Variants in RIMS2 observed in about 807,000 individuals in gnomAD.
RIMS2 encodes the protein regulating synaptic membrane exocytosis 2.
RIMS2 carries 59 observed loss-of-function variants against 174.4 expected under a neutral mutation model. The observed-to-expected ratio is 0.34, with a 90% CI of 0.27 to 0.42. The LOEUF is 0.42. Among genes scored for constraint, RIMS2 ranks in the 10% least tolerant of loss-of-function variants. RIMS2 has a pLI of 1.00. For synonymous variants in RIMS2, 606 were observed against 572.5 expected (o/e 1.06, Z -0.84); for missense variants, 1,620 against 1,666.3 (o/e 0.97, Z 0.48).
intron 15 of RIMS2, 118 bp from the exon 18 acceptor site, chr8:103,975,232 A>G: frequency 1.7e-6 from 1 of 577,542 alleles, no homozygotes; most frequent in East Asian, 2.9e-5. Context: ...TATACTTTAT[A>G]TTTAATATAT....
intron 19 of RIMS2, among the ~76,000 whole-genome samples, chr8:104,237,220 C>CA (rs1160485701): frequency 1.3e-5 from 2 of 151,556 alleles, no homozygotes; most frequent in African/African-American, 2.4e-5. Context: ...ATGTTGAAAA[C>CA]AAAAAAATAG....
chr8:103,886,257 G>A, intron 4 of RIMS2, 34 bp downstream of exon 7: 1 of 1,547,282 alleles, frequency 6.5e-7, no homozygotes, highest in East Asian at 2.3e-5. Context: ...TGCTGTAATT[G>A]ATTAGATAAG....
At chr8:104,001,085 A>T (rs556590602) in intron 17 of RIMS2, among the ~76,000 whole-genome samples, 1 of 151,838 alleles carries the variant, frequency 6.6e-6, no homozygotes, top group African/African-American at 2.4e-5. Context: ...CTCATTTGTC[A>T]ATTTTTGCTT....
exon 16 of RIMS2, chr8:103,975,470 C>T: frequency 6.2e-7 from 1 of 1,613,228 alleles, no homozygotes; most frequent in Non-Finnish European, 8.5e-7. Flanking sequence ...ATAGGAAGGA[C>T]TAGATCATGG....
At chr8:103,599,671 G>C (rs1331362020) in intron 1 of RIMS2, among the ~76,000 whole-genome samples, 2 of 151,690 alleles carry the variant, frequency 1.3e-5, no homozygotes, top group African/African-American at 2.4e-5. Context: ...GGCTGGTCTT[G>C]AACTTCTAGG....
chr8:104,149,664 T>C (rs2098673324), intron 19 of RIMS2, among the ~76,000 whole-genome samples: 1 of 152,190 alleles, frequency 6.6e-6, no homozygotes, highest in Non-Finnish European at 1.5e-5. Context: ...GTTTCTTTTA[T>C]AGCAAAATAA....
chr8:103,812,467 C>T (rs955097811), intron 3 of RIMS2, among the ~76,000 whole-genome samples: 7 of 151,552 alleles, frequency 4.6e-5, no homozygotes, highest in African/African-American at 1.5e-4. Context: ...TATATACCTC[C>T]GCCTCTTGGG....
intron 17 of RIMS2, among the ~76,000 whole-genome samples, chr8:103,991,645 A>T (rs1349288856): frequency 6.6e-6 from 1 of 152,124 alleles, no homozygotes; most frequent in African/African-American, 2.4e-5. Context: ...AATAATAGTA[A>T]TTTAGGTCTT....
intron 1 of RIMS2, among the ~76,000 whole-genome samples, chr8:103,555,936 G>C (rs534547690): frequency 6.6e-6 from 1 of 152,082 alleles, no homozygotes; most frequent in Non-Finnish European, 1.5e-5. Flanking sequence ...ATAAACTATG[G>C]ATAGAAAGAC....
chr8:103,695,555 A>T (rs2097090621), intron 1 of RIMS2, among the ~76,000 whole-genome samples: 1 of 151,866 alleles, frequency 6.6e-6, no homozygotes, highest in Non-Finnish European at 1.5e-5. Context: ...CTGTTTCAAG[A>T]ACTTCTTTTA....
At chr8:104,001,240 A>T (rs995402305) in intron 17 of RIMS2, among the ~76,000 whole-genome samples, 14 of 151,924 alleles carry the variant, frequency 9.2e-5, no homozygotes, top group Non-Finnish European at 5.9e-5. Flanking sequence ...GAAGATTTGA[A>T]ATGTTCCCAA....
intron 1 of RIMS2, among the ~76,000 whole-genome samples, chr8:103,679,156 C>G (rs1360229122): frequency 6.6e-6 from 1 of 152,002 alleles, no homozygotes; most frequent in Admixed American, 6.6e-5. Flanking sequence ...AAAGCCAGAA[C>G]ACTATATATC....
chr8:103,631,168 G>C (rs934840908), intron 1 of RIMS2, among the ~76,000 whole-genome samples: 3 of 152,048 alleles, frequency 2.0e-5, no homozygotes, highest in Non-Finnish European at 4.4e-5. Context: ...CAATTCCTTT[G>C]GTGTCTTTGC....
chr8:103,692,566 C>G (rs2097044080), intron 1 of RIMS2, among the ~76,000 whole-genome samples: 1 of 152,264 alleles, frequency 6.6e-6, no homozygotes. Context: ...GGCATTCCTG[C>G]TGACTATTCA....
intron 9 of RIMS2, chr8:103,921,144 G>T (rs1565322677): frequency 6.1e-6 from 1 of 165,078 alleles, no homozygotes; most frequent in Admixed American, 5.7e-5. Context: ...TTGTCCCCAA[G>T]AATCAAAATA....
intron 3 of RIMS2, among the ~76,000 whole-genome samples, chr8:103,824,515 G>A (rs540617339): frequency 6.6e-6 from 1 of 152,170 alleles, no homozygotes; most frequent in South Asian, 2.1e-4. Flanking sequence ...TTTCTTATAG[G>A]GAAAAATGGA....
intron 1 of RIMS2, among the ~76,000 whole-genome samples, chr8:103,520,054 A>T (rs1830889512): frequency 6.6e-6 from 1 of 152,114 alleles, no homozygotes; most frequent in African/African-American, 2.4e-5. Flanking sequence ...CTTTGGCATT[A>T]GTCAACTCTG....
At chr8:104,177,304 C>T (rs1328506780) in intron 19 of RIMS2, among the ~76,000 whole-genome samples, 1 of 151,996 alleles carries the variant, frequency 6.6e-6, no homozygotes, top group Admixed American at 6.6e-5. Flanking sequence ...GTGATGGTGC[C>T]TTTGTAGTAG....
At chr8:103,969,029 C>T (rs1035396393) in intron 15 of RIMS2, among the ~76,000 whole-genome samples, 1 of 152,082 alleles carries the variant, frequency 6.6e-6, no homozygotes, top group African/African-American at 2.4e-5. Context: ...AAATATTTCA[C>T]TCCACTCTCT....
Sources: gnomAD v4.1 joint callset for allele counts (sites outside exome capture counted in the v4.1 genomes callset) on GRCh38, gnomAD v4.1.1 for gene constraint, MANE v1.5 for transcripts, NCBI Gene and HGNC (gene_info 2026-07-23, HGNC 2026-07-21) for gene names.